ATP8A2: variants seen among roughly 807,000 people sequenced by gnomAD.
ATP8A2 encodes ATPase phospholipid transporting 8A2.
Under a neutral mutation model 165.6 loss-of-function variants are expected in ATP8A2, and 100 were observed. That is an observed-to-expected ratio of 0.60 (90% CI 0.51 to 0.71). ATP8A2 has a LOEUF of 0.71. ATP8A2 is among the 30% of genes least tolerant of loss of function. The pLI, the probability that ATP8A2 is intolerant of heterozygous loss-of-function variation, is 0.00. For missense variants in ATP8A2, 1,227 were observed against 1,479.5 expected (o/e 0.83, Z 2.80); for synonymous variants, 543 against 548.8 (o/e 0.99, Z 0.15).
At chr13:25,571,019 A>T (rs2039452193) in intron 17 of ATP8A2, 147 bp downstream of exon 17, 1 of 597,644 alleles carries the variant, frequency 1.7e-6, no homozygotes, top group Non-Finnish European at 2.9e-6. Flanking sequence ...CTGTGGCTAC[A>T]GGTGCAAAGC....
At chr13:25,940,807 C>T (rs1171577194) in intron 33 of ATP8A2, among the ~76,000 whole-genome samples, 1 of 152,236 alleles carries the variant, frequency 6.6e-6, no homozygotes, top group Non-Finnish European at 1.5e-5. Flanking sequence ...GCTCTAGGGC[C>T]TTGTTGGATG....
chr13:25,803,284 T>G (rs979769219), intron 27 of ATP8A2, among the ~76,000 whole-genome samples: 2 of 152,106 alleles, frequency 1.3e-5, no homozygotes, highest in Non-Finnish European at 2.9e-5. Context: ...CTACAGGTCT[T>G]AAGTAAGTCA....
chr13:25,611,886 T>C (rs1053685529), intron 24 of ATP8A2, among the ~76,000 whole-genome samples: 1 of 152,148 alleles, frequency 6.6e-6, no homozygotes, highest in Admixed American at 6.5e-5. Context: ...TTTCCAGTAA[T>C]TTATCTATCT....
Position 25,372,351 on chromosome 13 carries a change from CTGCGGTTATGCGACACT to C in ATP8A2, c.76+64_76+80del. ...GGGGCGGGGGCGGCGCGGGGCGCGC[CTGCGGTTATGCGACACT>C]GCCCCGCCCGCGCCCCGCTCCCCTC... On this transcript the variant is annotated intron_variant, in intron 1 of 36. Coordinates refer to ENST00000381655, the MANE Select transcript of ATP8A2 (RefSeq NM_016529.6). This position sits in a 1 kb window ranked among gnomAD's most constrained non-coding sequence, Gnocchi z 4.8. 1 of 1,278,042 alleles carries C rather than the reference CTGCGGTTATGCGACACT, an allele frequency of 7.8e-7. No individual in the cohort carries two copies. Among genetic ancestry groups the C allele is most frequent in the Non-Finnish European group, 1.0e-6 (1 of 966,654 alleles). The allele number at this position is 1,278,042 out of a possible 1,614,324, so 79.2% of individuals were successfully genotyped here.
chr13:25,684,895 G>A (rs2042569205), intron 24 of ATP8A2, among the ~76,000 whole-genome samples: 1 of 152,158 alleles, frequency 6.6e-6, no homozygotes, highest in African/African-American at 2.4e-5. Flanking sequence ...TATATACTGA[G>A]TGAATTTGAG....
At chr13:25,838,778 A>G (rs1340145389) in intron 29 of ATP8A2, among the ~76,000 whole-genome samples, 2 of 152,178 alleles carry the variant, frequency 1.3e-5, no homozygotes, top group African/African-American at 4.8e-5. Flanking sequence ...GGGGGCAGCC[A>G]AGATGGCCGA....
intron 2 of ATP8A2, among the ~76,000 whole-genome samples, chr13:25,512,395 G>C (rs1308858101): frequency 1.3e-5 from 2 of 152,008 alleles, no homozygotes; most frequent in Non-Finnish European, 2.9e-5. Context: ...GAGCTGTTGG[G>C]TACACCTCCC....
At chr13:25,652,296 T>C (rs979210029) in intron 24 of ATP8A2, among the ~76,000 whole-genome samples, 5 of 152,228 alleles carry the variant, frequency 3.3e-5, no homozygotes, top group African/African-American at 4.8e-5. Flanking sequence ...GCGCCATTCA[T>C]TGAGCAAGCT....
chr13:25,468,914 A>T, intron 1 of ATP8A2, 63 bp from the exon 2 acceptor site: 1 of 1,581,320 alleles, frequency 6.3e-7, no homozygotes, highest in Non-Finnish European at 8.6e-7. Flanking sequence ...CCGCGCTCGC[A>T]GCCTCCCGCC....
intron 16 of ATP8A2, among the ~76,000 whole-genome samples, chr13:25,569,737 A>G (rs1347442451): frequency 2.0e-5 from 3 of 152,238 alleles, no homozygotes; most frequent in Non-Finnish European, 4.4e-5. Context: ...GTAGGAGCTC[A>G]GTGACAATTG....
chr13:25,813,787 A>C (rs1174270613), intron 27 of ATP8A2, among the ~76,000 whole-genome samples: 3 of 152,138 alleles, frequency 2.0e-5, no homozygotes, highest in African/African-American at 7.2e-5. Flanking sequence ...CTTTTGGATG[A>C]GCTTAACATC....
chr13:26,007,029 T>C (rs1382913498), intron 35 of ATP8A2, among the ~76,000 whole-genome samples: 2 of 152,080 alleles, frequency 1.3e-5, no homozygotes, highest in Non-Finnish European at 2.9e-5. Context: ...AAATTGCTTT[T>C]TCTGTGCCAA....
chr13:25,373,136 G>C (rs1365653940), intron 1 of ATP8A2, among the ~76,000 whole-genome samples: 1 of 152,160 alleles, frequency 6.6e-6, no homozygotes, highest in African/African-American at 2.4e-5. Context: ...GACGTAAAGA[G>C]GAGCCCCAAA....
intron 1 of ATP8A2, among the ~76,000 whole-genome samples, chr13:25,375,397 G>A (rs2137901838): frequency 6.6e-6 from 1 of 152,218 alleles, no homozygotes; most frequent in East Asian, 1.9e-4. Flanking sequence ...GTGAATATGG[G>A]TGTTGGGGGT....
At chr13:25,744,659 G>A (rs1439484715) in intron 25 of ATP8A2, among the ~76,000 whole-genome samples, 6 of 152,182 alleles carry the variant, frequency 3.9e-5, no homozygotes, top group African/African-American at 1.4e-4. Flanking sequence ...TCCTTATTAT[G>A]AGATGTTGGT....
intron 33 of ATP8A2, among the ~76,000 whole-genome samples, chr13:25,874,132 C>T (rs1463779091): frequency 1.3e-5 from 2 of 152,194 alleles, no homozygotes; most frequent in Non-Finnish European, 2.9e-5. Context: ...CCCTGGCTTC[C>T]TGTTGCCCTC....
rs577124875 is a variant in ATP8A2 at position 25,900,898 on chromosome 13, G to A, written c.3183+38490G>A. On this transcript the variant is annotated intron_variant, in intron 33 of 36. Coordinates refer to ENST00000381655, the MANE Select transcript of ATP8A2 (RefSeq NM_016529.6). ...CCTCCATTCTAGCCACGTCCACTGC[G>A]AATGCAGGTGACACATGGAAGCAGC... Among the ~76,000 whole-genome samples the A allele has an allele frequency of 7.2e-4, 109 of 152,320 alleles. 1 individual carries two copies. In the South Asian group the frequency reaches 0.02, roughly 28 times the overall value.
intron 1 of ATP8A2, among the ~76,000 whole-genome samples, chr13:25,459,274 AT>A (rs1300851641): frequency 3.9e-5 from 6 of 152,238 alleles, no homozygotes; most frequent in Admixed American, 3.9e-4. Flanking sequence ...GGACATTTCC[AT>A]TTTTTCCCAG....
chr13:25,570,764 C>A lies in ATP8A2; in HGVS notation c.1474-3C>A, dbSNP rs774886265. 6.2e-7 allele frequency: 1 copy of A among 1,610,984 alleles called. No individual in the cohort carries two copies. Among genetic ancestry groups the A allele is most frequent in the Non-Finnish European group, 8.5e-7 (1 of 1,178,084 alleles). ...TGACACTAATCCCGCCTCACGTTTG[C>A]AGCCCACAGCCCCTTGCATTCAGGA... On this transcript the variant is annotated splice_polypyrimidine_tract_variant and splice_region_variant and intron_variant, in intron 16 of 36. Transcript: ENST00000381655.
Sources: gnomAD v4.1 joint callset for allele counts (sites outside exome capture counted in the v4.1 genomes callset) on GRCh38, gnomAD v4.1.1 for gene constraint, Gnocchi (gnomAD v3.1) non-coding constraint, MANE v1.5 for transcripts, NCBI Gene and HGNC (gene_info 2026-07-23, HGNC 2026-07-21) for gene names.